HSPB2: variants seen among roughly 807,000 people sequenced by gnomAD.
HSPB2 encodes the protein heat shock protein family B (small) member 2, also known as heat shock protein beta-2.
Under a neutral mutation model 14.1 loss-of-function variants are expected in HSPB2, and 14 were observed. The ratio of observed to expected loss-of-function variants is 0.99; its 90% CI spans 0.66 to 1.55. The LOEUF (loss-of-function observed/expected upper bound fraction) is 1.55, where lower values mean the gene tolerates loss of function less well. HSPB2 is among the 40% of genes most tolerant of loss of function. The probability of loss-of-function intolerance (pLI) is 0.00; values close to 1 mark genes in which losing one functional copy is unlikely to be tolerated. For synonymous variants in HSPB2, 110 were observed against 103.4 expected, an observed-to-expected ratio of 1.06 and a Z score of -0.39; for missense variants, 242 against 241.7, an observed-to-expected ratio of 1.00 and a Z score of -0.01.
rs1741139773 is a variant in HSPB2, at chr11:111,913,504, C to T, written c.158C>T (p.Ala53Val). 6.2e-7 allele frequency: 1 copy of T among 1,613,894 alleles called. No individual in the cohort carries two copies. The highest frequency in any genetic ancestry group is 8.5e-7 in the Non-Finnish European group (1 of 1,180,028). Residue 53 changes from alanine to valine, a missense_variant, in exon 2 of 2, where the codon GCC becomes GTC. Ala to Val is a moderately conservative substitution (Grantham distance 64). Transcript: ENST00000304298. Reference protein sequence around the residue: ...LYHGYYVRPRAAPAGEGSRAG... With the variant: ...LYHGYYVRPRVAPAGEGSRAG... Reference sequence around the variant, plus strand: ...CATGGCTACTATGTCCGGCCTCGGGCCGCCCCAGCTGGGGAGGGCAGCAGG... The same window carrying T: ...CATGGCTACTATGTCCGGCCTCGGGTCGCCCCAGCTGGGGAGGGCAGCAGG...
At position 111,914,018 on chromosome 11, in the gene HSPB2, A is replaced by G. The variant is rs1965557066; in HGVS notation, c.*123A>G. 1 of 887,264 alleles carries G rather than the reference A, an allele frequency of 1.1e-6. No individual in the cohort carries two copies. The highest frequency in any genetic ancestry group is 1.7e-6 in the Non-Finnish European group (1 of 594,448). The allele number at this position is 887,264 out of a possible 1,614,324, so 55.0% of individuals were successfully genotyped here. ...GGGAAAGGTGCATGGTCCACAATGT[A>G]TGGTTTGGTCCCATGGGACATGTCA... On this transcript the variant is annotated 3_prime_UTR_variant, in exon 2 of 2. Coordinates refer to ENST00000304298, the MANE Select transcript of HSPB2 (RefSeq NM_001541.4).
At position 111,913,428 on chromosome 11, in the gene HSPB2, C is replaced by T; in HGVS notation, c.95-13C>T. 6.3e-7 allele frequency: 1 copy of T among 1,593,402 alleles called. No homozygotes were observed. Among genetic ancestry groups the T allele is most frequent in the Non-Finnish European group, 8.5e-7 (1 of 1,172,350 alleles). On this transcript the variant is annotated splice_polypyrimidine_tract_variant and intron_variant, in intron 1 of 1. Transcript: ENST00000304298. The stretch of plus-strand genomic sequence containing the variant: ...TCCCTCATCCTGCCTCTTGCCTTCT[C>T]TCTGCCCTTTAGGCCTCCTGCCAGA...
rs2137390979 is a variant in HSPB2, at chr11:111,913,857, C to G, written c.511C>G (p.Pro171Ala). The part of the protein sequence containing the change: ...YISLLPAPPD[P>A]EEEEEAAIVE... ...CTCCCTGCTCCCTGCGCCTCCTGAT[C>G]CAGAGGAAGAGGAGGAGGCAGCCAT... Residue 171 changes from proline to alanine, a missense_variant, in exon 2 of 2, where the codon CCA (proline) becomes GCA (alanine). Transcript: ENST00000304298. 6.2e-7 allele frequency: 1 copy of G among 1,612,878 alleles called. No homozygotes were observed. Among genetic ancestry groups the G allele is most frequent in the East Asian group, 2.2e-5 (1 of 44,892 alleles).
Position 111,912,753 on chromosome 11 carries a change from C to G in HSPB2, c.-77C>G. The G allele has an allele frequency of 8.8e-7, 1 of 1,141,546 alleles. No individual in the cohort carries two copies. The highest frequency in any genetic ancestry group is 1.3e-6 in the Non-Finnish European group (1 of 798,162). 70.7% of individuals were successfully genotyped at this position (1,141,546 alleles called of 1,614,324 possible). On this transcript the variant is annotated 5_prime_UTR_variant, in exon 1 of 2. Coordinates refer to ENST00000304298, the MANE Select transcript of HSPB2 (RefSeq NM_001541.4). ...CCCCACCTCCTATCGAGCCCTGGCTCTCCGGGCAGCTGGAGGGGTCGCGCT... is the reference window on the plus strand; with the variant it reads ...CCCCACCTCCTATCGAGCCCTGGCTGTCCGGGCAGCTGGAGGGGTCGCGCT...
At chr11:111,912,954 C>A in intron 1 of HSPB2, 31 bp downstream of exon 1, 9 of 1,465,550 alleles carry the variant, frequency 6.1e-6, no homozygotes, top group Non-Finnish European at 8.3e-6. Flanking sequence ...CCTTGCCCCC[C>A]ACCCCCACCC....
At chr11:111,913,096 C>T (rs548543494) in intron 1 of HSPB2, 173 bp downstream of exon 1, 30 of 623,184 alleles carry the variant, frequency 4.8e-5, no homozygotes, top group Middle Eastern at 5.1e-4. Flanking sequence ...CTTTCCCATT[C>T]CTGCTGACCT....
chr11:111,913,324 A>G (rs1965531157), intron 1 of HSPB2, 117 bp from the exon 2 acceptor site: 3 of 755,716 alleles, frequency 4.0e-6, no homozygotes, highest in East Asian at 5.0e-5. Context: ...CCCGTTCCCT[A>G]CTCCTCCTGA....
rs781799151 is a variant in HSPB2, at chr11:111,913,553, C to T, written c.207C>T (p.Leu69=). Reference sequence around the variant, plus strand: ...GGGCAGGGGCCTCCGAGCTTAGGCTCAGTGAGGGCAAGTTCCAGGCATTTC... The same window carrying T: ...GGGCAGGGGCCTCCGAGCTTAGGCTTAGTGAGGGCAAGTTCCAGGCATTTC... ...GSRAGASELR[L]SEGKFQAFLD... Residue 69 remains leucine (L), a synonymous_variant, in exon 2 of 2, where the codon CTC becomes CTT. Transcript: ENST00000304298. The T allele has an allele frequency of 3.1e-6, 5 of 1,614,166 alleles. No individual in the cohort carries two copies. In the South Asian group the frequency reaches 4.4e-5, roughly 14 times the overall value.
Position 111,913,019 on chromosome 11 carries a change from T to G in HSPB2, c.94+96T>G. 5 of 841,442 alleles carry G rather than the reference T, an allele frequency of 5.9e-6. No individual in the cohort carries two copies. The South Asian group carries it at 6.2e-5, about 10-fold the overall frequency. 52.1% of individuals were successfully genotyped at this position (841,442 alleles called of 1,614,324 possible). On this transcript the variant is annotated intron_variant, in intron 1 of 1. Transcript: ENST00000304298. ...TGCTGGCCTCCACCCCACTCTGGGC[T>G]TAACTGATCTCCTGGGACCAGCCAC...
At chr11:111,913,348 C>T (rs1965531643) in intron 1 of HSPB2, 93 bp from the exon 2 acceptor site, 1 of 1,000,910 alleles carries the variant, frequency 1.0e-6, no homozygotes, top group Admixed American at 2.1e-5. Flanking sequence ...CCCTCTTGCT[C>T]TTCCCAATCC....
chr11:111,913,382 G>T (rs1477429570), intron 1 of HSPB2, 59 bp from the exon 2 acceptor site: 14 of 1,329,178 alleles, frequency 1.1e-5, no homozygotes, highest in Non-Finnish European at 1.5e-5. Flanking sequence ...TTCCCATTTC[G>T]CCCCTGTGCC....
At chr11:111,913,213 TCCC>T in intron 1 of HSPB2, 2 of 571,690 alleles carry the variant, frequency 3.5e-6, no homozygotes. Context: ...CTCCTCCTCC[TCCC>T]CCTCCTCCTC....
rs149492778 is a variant in HSPB2 at position 111,913,680 on chromosome 11, T to A, written c.334T>A (p.Phe112Ile). 3.7e-5 allele frequency: 60 copies of A among 1,614,046 alleles called. No homozygotes were observed. The highest frequency in any genetic ancestry group is 4.5e-5 in the Non-Finnish European group (53 of 1,180,040). Reference sequence around the variant, plus strand: ...CCCCCAGCGCCTGGACCGCCACGGCTTCGTGTCCCGAGAGTTCTGCCGCAC... The same window carrying A: ...CCCCCAGCGCCTGGACCGCCACGGCATCGTGTCCCGAGAGTTCTGCCGCAC... ...RHPQRLDRHG[F>I]VSREFCRTYV... is the part of the protein sequence containing the mutation. Residue 112 changes from phenylalanine to isoleucine, a missense_variant, in exon 2 of 2, where the codon TTC (phenylalanine) becomes ATC (isoleucine). Physicochemically the swap from Phe to Ile is conservative, Grantham distance 21 (BLOSUM62 0). Coordinates refer to ENST00000304298, the MANE Select transcript of HSPB2 (RefSeq NM_001541.4).
chr11:111,912,894 G>A lies in HSPB2; in HGVS notation c.65G>A (p.Ser22Asn), dbSNP rs782720917. The A allele has an allele frequency of 1.2e-6, 2 of 1,609,198 alleles. No homozygotes were observed. Residue 22 changes from serine (S) to asparagine (N), a missense_variant, in exon 1 of 2, where the codon AGC becomes AAC. By Grantham distance (46) the Ser-to-Asn change is conservative. Coordinates refer to ENST00000304298, the MANE Select transcript of HSPB2 (RefSeq NM_001541.4). ...GCCGAGTACGAATTTGCCAACCCGAGCCGCCTGGGTGAGCAGCGCTTCGGA... is the reference window on the plus strand; with the variant it reads ...GCCGAGTACGAATTTGCCAACCCGAACCGCCTGGGTGAGCAGCGCTTCGGA... ...ATAEYEFANPSRLGEQRFGEG... is the reference protein window; with the variant it reads ...ATAEYEFANPNRLGEQRFGEG...
chr11:111,914,014 A>G lies in HSPB2; in HGVS notation c.*119A>G, dbSNP rs1965556917. Reference sequence around the variant, plus strand: ...GGAAGGGAAAGGTGCATGGTCCACAATGTATGGTTTGGTCCCATGGGACAT... The same window carrying G: ...GGAAGGGAAAGGTGCATGGTCCACAGTGTATGGTTTGGTCCCATGGGACAT... On this transcript the variant is annotated 3_prime_UTR_variant, in exon 2 of 2. Coordinates refer to ENST00000304298, the MANE Select transcript of HSPB2 (RefSeq NM_001541.4). 4 of 899,044 alleles carry G rather than the reference A, an allele frequency of 4.4e-6. No homozygotes were observed. The highest frequency in any genetic ancestry group is 2.8e-5 in the Admixed American group (1 of 35,444). The allele number at this position is 899,044 out of a possible 1,614,324, so 55.7% of individuals were successfully genotyped here. A position where few individuals can be genotyped will look rare whatever the true frequency, so the allele number is the denominator to read the frequency against.
Position 111,913,866 on chromosome 11 carries a change from G to A in HSPB2, c.520G>A (p.Glu174Lys). ...LLPAPPDPEE[E>K]EEAAIVEP ...CCCTGCGCCTCCTGATCCAGAGGAA[G>A]AGGAGGAGGCAGCCATAGTTGAGCC... The change falls in exon 2 of 2, where the codon GAG (glutamate) becomes AAG (lysine). Residue 174 changes from glutamate to lysine, a missense_variant. Coordinates refer to ENST00000304298, the MANE Select transcript of HSPB2 (RefSeq NM_001541.4). 1.2e-6 allele frequency: 2 copies of A among 1,612,202 alleles called. No individual in the cohort carries two copies. Among genetic ancestry groups the A allele is most frequent in the Non-Finnish European group, 1.7e-6 (2 of 1,179,128 alleles).
chr11:111,913,903 A>T lies in HSPB2; in HGVS notation c.*8A>T. On this transcript the variant is annotated 3_prime_UTR_variant, in exon 2 of 2. Coordinates refer to ENST00000304298, the MANE Select transcript of HSPB2 (RefSeq NM_001541.4). Reference sequence around the variant, plus strand: ...GCCATAGTTGAGCCCTGATTGCCACAGACCCAGCACCCAGCAAATCCCTCT... The same window carrying T: ...GCCATAGTTGAGCCCTGATTGCCACTGACCCAGCACCCAGCAAATCCCTCT... 6.3e-7 allele frequency: 1 copy of T among 1,596,640 alleles called. No homozygotes were observed. Among genetic ancestry groups the T allele is most frequent in the Non-Finnish European group, 8.5e-7 (1 of 1,171,388 alleles).
rs1555165853 is a variant in HSPB2, at chr11:111,913,498, C to T, written c.152C>T (p.Pro51Leu). ...PTLYHGYYVRPRAAPAGEGSR... is the reference protein window; with the variant it reads ...PTLYHGYYVRLRAAPAGEGSR... ...CTCTACCATGGCTACTATGTCCGGCCTCGGGCCGCCCCAGCTGGGGAGGGC... is the reference window on the plus strand; with the variant it reads ...CTCTACCATGGCTACTATGTCCGGCTTCGGGCCGCCCCAGCTGGGGAGGGC... The change falls in exon 2 of 2, where the codon CCT becomes CTT. Residue 51 changes from proline (P) to leucine (L), a missense_variant. By Grantham distance (98) the Pro-to-Leu change is moderately conservative. Coordinates refer to ENST00000304298, the MANE Select transcript of HSPB2 (RefSeq NM_001541.4). 22 of 1,613,698 alleles carry T rather than the reference C, an allele frequency of 1.4e-5. No homozygotes were observed. In the South Asian group the frequency reaches 2.2e-4, roughly 16 times the overall value.
rs1423540939 is a variant in HSPB2, at chr11:111,912,856, C to T, written c.27C>T (p.Ala9=). MSGRSVPH[A]HPATAEYEFA... is the part of the protein sequence containing the mutation. ...TGTCGGGCCGCTCAGTGCCACATGCCCACCCGGCCACCGCCGAGTACGAAT... is the reference window on the plus strand; with the variant it reads ...TGTCGGGCCGCTCAGTGCCACATGCTCACCCGGCCACCGCCGAGTACGAAT... The change falls in exon 1 of 2, where the codon GCC becomes GCT. Residue 9 remains alanine, a synonymous_variant. Coordinates refer to ENST00000304298, the MANE Select transcript of HSPB2 (RefSeq NM_001541.4). The T allele has an allele frequency of 6.8e-6, 11 of 1,607,276 alleles. No homozygotes were observed. The highest frequency in any genetic ancestry group is 9.3e-6 in the Non-Finnish European group (11 of 1,178,328).
Sources: gnomAD v4.1 joint callset for allele counts on GRCh38, gnomAD v4.1.1 for gene constraint, MANE v1.5 for transcripts, NCBI Gene and HGNC (gene_info 2026-07-23, HGNC 2026-07-21) for gene names.